RANBP2: variants seen among roughly 807,000 people sequenced by gnomAD.
RANBP2 encodes the protein RAN binding protein 2.
A neutral mutation model predicts 303.6 loss-of-function variants in RANBP2; 57 were observed. That is an observed-to-expected ratio of 0.19 (90% CI 0.15 to 0.23). The LOEUF is 0.23. Among genes scored for constraint, RANBP2 ranks in the 10% least tolerant of loss-of-function variants. The pLI is 1.00. For missense variants in RANBP2, 3,138 were observed against 3,780.8 expected (o/e 0.83, Z 4.46); for synonymous variants, 1,167 against 1,301.5 (o/e 0.90, Z 2.23).
chr2:109,341,949 C>G, the RANBP2 span, among the ~76,000 whole-genome samples: 1 of 152,182 alleles, frequency 6.6e-6, no homozygotes, highest in Non-Finnish European at 1.5e-5. Flanking sequence ...AAGTGGGTAT[C>G]AGGGGTCATT....
intron 6 of RANBP2, among the ~76,000 whole-genome samples, chr2:108,739,135 G>C (rs1370300517): frequency 1.3e-5 from 2 of 151,932 alleles, no homozygotes; most frequent in Non-Finnish European, 2.9e-5. Context: ...GGGCGCGGTG[G>C]CTCAGCCCTG....
chr2:109,421,590 A>C, the RANBP2 span, among the ~76,000 whole-genome samples: 4 of 152,200 alleles, frequency 2.6e-5, no homozygotes, highest in African/African-American at 9.7e-5. Context: ...TTCTTCACCC[A>C]GTTCGCCTGC....
the RANBP2 span, among the ~76,000 whole-genome samples, chr2:109,240,650 C>T: frequency 6.6e-4 from 101 of 152,218 alleles, 2 homozygotes; most frequent in East Asian, 0.018. Flanking sequence ...CTGCCACTGA[C>T]GGATTATTTC....
At chr2:109,584,253 G>C in the RANBP2 span, among the ~76,000 whole-genome samples, 1 of 152,126 alleles carries the variant, frequency 6.6e-6, no homozygotes, top group Non-Finnish European at 1.5e-5. Flanking sequence ...GAGGTGGGTA[G>C]ATCACCTGAG....
the RANBP2 span, among the ~76,000 whole-genome samples, chr2:109,037,640 A>G: frequency 6.6e-6 from 1 of 152,212 alleles, no homozygotes; most frequent in Non-Finnish European, 1.5e-5. Context: ...AGAAAAATAA[A>G]TGTCATTTCT....
chr2:109,657,727 T>G, the RANBP2 span, among the ~76,000 whole-genome samples: 1 of 144,400 alleles, frequency 6.9e-6, no homozygotes, highest in Admixed American at 6.9e-5. Context: ...TTTTTTTTTT[T>G]TTTTTTTTTT....
chr2:109,521,619 T>C, the RANBP2 span, among the ~76,000 whole-genome samples: 2 of 152,206 alleles, frequency 1.3e-5, no homozygotes, highest in Non-Finnish European at 2.9e-5. Context: ...TCTACAGTGT[T>C]CTATTTATTT....
chr2:109,755,229 C>T, the RANBP2 span, among the ~76,000 whole-genome samples: 1 of 134,034 alleles, frequency 7.5e-6, no homozygotes, highest in Admixed American at 7.7e-5. Context: ...TGTACTTCTA[C>T]ACAACTGGCT....
chr2:108,782,842 ATT>A lies in RANBP2; in HGVS notation c.9350_9351del (p.Ile3117ThrfsTer14). On this transcript the variant is annotated frameshift_variant, in exon 28 of 29. Transcript: ENST00000283195. LOFTEE classifies it high-confidence loss of function. ...CAAGAATTCCATTTTTCACAGAGTA[ATT>A]CCAGATTTTGTTTGCCAAGTAGGTA... ...GFKNSIFHRV[I>X]PDFVCQGGDI... The A allele has an allele frequency of 6.2e-7, 1 of 1,613,782 alleles. No individual in the cohort carries two copies. Among genetic ancestry groups the A allele is most frequent in the Non-Finnish European group, 8.5e-7 (1 of 1,179,970 alleles).
chr2:109,142,980 G>T, the RANBP2 span, among the ~76,000 whole-genome samples: 39 of 152,246 alleles, frequency 2.6e-4, 1 homozygote, highest in East Asian at 6.6e-3. Flanking sequence ...TGGGGCTGGT[G>T]TCCTGGCTGC....
the RANBP2 span, among the ~76,000 whole-genome samples, chr2:109,173,519 A>G: frequency 6.6e-6 from 1 of 152,114 alleles, no homozygotes; most frequent in Non-Finnish European, 1.5e-5. Flanking sequence ...CCTGCAGGCT[A>G]TGTATTGTCT....
At chr2:109,242,917 G>A in the RANBP2 span, among the ~76,000 whole-genome samples, 4 of 152,206 alleles carry the variant, frequency 2.6e-5, no homozygotes, top group Non-Finnish European at 4.4e-5. Context: ...ACAGCATTAG[G>A]AAATCAGGAA....
chr2:109,436,968 A>G, the RANBP2 span: 1 of 1,613,874 alleles, frequency 6.2e-7, no homozygotes, highest in South Asian at 1.1e-5. Flanking sequence ...GGATAACCAC[A>G]ACCATGCACC....
chr2:109,071,580 A>G, the RANBP2 span, among the ~76,000 whole-genome samples: 148 of 152,102 alleles, frequency 9.7e-4, no homozygotes, highest in Non-Finnish European at 1.7e-3. Context: ...AGGCTGAGGC[A>G]TGAGAATCAC....
the RANBP2 span, among the ~76,000 whole-genome samples, chr2:109,050,399 G>A: frequency 1.9e-3 from 287 of 151,510 alleles, 1 homozygote; most frequent in African/African-American, 6.2e-3. Flanking sequence ...GATCACAGGC[G>A]CAAGCCACCA....
rs752527357 is a variant in RANBP2 at position 108,748,926 on chromosome 2, T to C, written c.1070T>C (p.Met357Thr). 1.9e-6 allele frequency: 3 copies of C among 1,611,994 alleles called. No homozygotes were observed. The highest frequency in any genetic ancestry group is 1.1e-5 in the South Asian group (1 of 90,994). Residue 357 changes from methionine to threonine, a missense_variant, in exon 9 of 29, where the codon ATG becomes ACG. Around this residue, in one of 20 missense-constraint regions of RANBP2, gnomAD observed 95 missense variants for 86.4 expected, o/e 1.10. Coordinates refer to ENST00000283195, the MANE Select transcript of RANBP2 (RefSeq NM_006267.5). ...ACDRLSQSGH[M>T]LLNLSRGKQD... ...ACTTAAATTTTTTTTTCAGGGCACA[T>C]GTTGCTAAACTTAAGTCGTGGCAAG...
At chr2:109,058,012 T>C in the RANBP2 span, among the ~76,000 whole-genome samples, 1 of 152,182 alleles carries the variant, frequency 6.6e-6, no homozygotes, top group Admixed American at 6.5e-5. Flanking sequence ...GCAGAATCTA[T>C]CCTGCCCACA....
the RANBP2 span, chr2:109,503,757 A>G: frequency 6.6e-6 from 1 of 152,152 alleles, no homozygotes; most frequent in African/African-American, 2.4e-5. Context: ...GCGCGCAGGT[A>G]CCAAGCAACA....
the RANBP2 span, among the ~76,000 whole-genome samples, chr2:109,124,102 C>T: frequency 1.3e-5 from 2 of 152,036 alleles, no homozygotes; most frequent in African/African-American, 2.4e-5. Context: ...CCTCCACCTC[C>T]CGGGTTCAAG....
Sources: allele counts gnomAD v4.1 joint callset (sites outside exome capture counted in the v4.1 genomes callset), GRCh38; gene constraint gnomAD v4.1.1; regional missense constraint gnomAD v4.1.1; transcripts MANE v1.5; gene names NCBI Gene and HGNC (gene_info 2026-07-23, HGNC 2026-07-21).